WDR89: variants seen among roughly 807,000 people sequenced by gnomAD.
WDR89 encodes WD repeat domain 89.
Under a neutral mutation model 29.1 loss-of-function variants are expected in WDR89, and 17 were observed. That is an observed-to-expected ratio of 0.58 (90% CI 0.40 to 0.88). The LOEUF (loss-of-function observed/expected upper bound fraction) is 0.88, where lower values mean the gene tolerates loss of function less well. WDR89 is among the 40% of genes least tolerant of loss of function. WDR89 has a pLI of 0.00. For synonymous variants in WDR89, 138 were observed against 157.8 expected, an observed-to-expected ratio of 0.87 and a Z score of 0.94; for missense variants, 396 against 456.3, an observed-to-expected ratio of 0.87 and a Z score of 1.20.
Position 63,597,746 on chromosome 14 carries a change from A to T in WDR89, c.*1033T>A, listed in dbSNP as rs960083233. 2 of 152,214 alleles carry T rather than the reference A, an allele frequency of 1.3e-5. No individual in the cohort carries two copies. Among genetic ancestry groups the T allele is most frequent in the African/African-American group, 4.8e-5 (2 of 41,468 alleles). The allele number at this position is 152,214 out of a possible 1,614,324, so 9.4% of individuals were successfully genotyped here. ...AACGCTTATGTAGTCCGCCATCAAA[A>T]CATCAATGTACTGAAGATTTTAAGC... On this transcript the variant is annotated 3_prime_UTR_variant, in exon 3 of 3. Transcript: ENST00000620954.
intron 2 of WDR89, among the ~76,000 whole-genome samples, chr14:63,610,942 C>T (rs960529532): frequency 1.3e-5 from 2 of 151,234 alleles, no homozygotes; most frequent in Non-Finnish European, 2.9e-5. Context: ...CCTTGTAATT[C>T]GCCCGCCTTG....
chr14:63,626,608 G>A (rs1453239221), intron 1 of WDR89, among the ~76,000 whole-genome samples: 1 of 144,766 alleles, frequency 6.9e-6, no homozygotes, highest in East Asian at 2.1e-4. Context: ...GAGCCCGGGA[G>A]GCAGAGGTTG....
chr14:63,641,431 C>T (rs1884127875), intron 1 of WDR89: 1 of 152,240 alleles, frequency 6.6e-6, no homozygotes. Flanking sequence ...ATACTAAACC[C>T]TTTTAGTGGT....
intron 1 of WDR89, among the ~76,000 whole-genome samples, chr14:63,631,473 G>A (rs1038121590): frequency 2.0e-5 from 3 of 151,828 alleles, no homozygotes; most frequent in Non-Finnish European, 2.9e-5. Context: ...TCAAGCAATC[G>A]TGCCACCTCA....
intron 1 of WDR89, among the ~76,000 whole-genome samples, chr14:63,632,750 G>A (rs1198503436): frequency 1.3e-5 from 2 of 151,998 alleles, no homozygotes; most frequent in Non-Finnish European, 2.9e-5. Flanking sequence ...CCCTATAATA[G>A]AGAAAAATGA....
At chr14:63,624,258 G>A (rs1882894112) in intron 2 of WDR89, among the ~76,000 whole-genome samples, 1 of 152,024 alleles carries the variant, frequency 6.6e-6, no homozygotes, top group African/African-American at 2.4e-5. Flanking sequence ...CTTGAGTCCA[G>A]GAGTTCAAGA....
intron 1 of WDR89, among the ~76,000 whole-genome samples, chr14:63,625,935 C>A (rs556811778): frequency 1.4e-4 from 21 of 151,446 alleles, no homozygotes; most frequent in Admixed American, 9.2e-4. Context: ...CTCACTGCAA[C>A]CTCTGCCTCC....
chr14:63,628,825 G>C (rs1260898955), intron 1 of WDR89, among the ~76,000 whole-genome samples: 2 of 151,984 alleles, frequency 1.3e-5, no homozygotes, highest in Non-Finnish European at 2.9e-5. Flanking sequence ...AGCCAGGCAT[G>C]GTGACGTGCA....
At chr14:63,613,877 G>A (rs1230844560) in intron 2 of WDR89, among the ~76,000 whole-genome samples, 1 of 128,758 alleles carries the variant, frequency 7.8e-6, no homozygotes, top group Non-Finnish European at 1.6e-5. Context: ...TTGAACTCCT[G>A]TATGTAAGCA....
intron 1 of WDR89, 44 bp from the exon 2 acceptor site, chr14:63,625,077 TA>T (rs1882943518): frequency 6.6e-6 from 1 of 151,190 alleles, no homozygotes; most frequent in South Asian, 2.1e-4. Flanking sequence ...CACAAAAAAA[TA>T]AACAACAAAG....
intron 2 of WDR89, among the ~76,000 whole-genome samples, chr14:63,602,404 A>C (rs1895108641): frequency 6.9e-6 from 1 of 145,066 alleles, no homozygotes; most frequent in Admixed American, 6.9e-5. Context: ...TAGAGGTTGC[A>C]ATGAGCCAAG....
At chr14:63,608,072 G>A (rs1054135422) in intron 2 of WDR89, among the ~76,000 whole-genome samples, 2 of 151,922 alleles carry the variant, frequency 1.3e-5, no homozygotes, top group Admixed American at 1.3e-4. Flanking sequence ...TGGGTGTGGT[G>A]GTGCATGCCT....
Position 63,598,614 on chromosome 14 carries a change from G to T in WDR89, c.*165C>A. 1.8e-6 allele frequency: 1 copy of T among 544,548 alleles called. No individual in the cohort carries two copies. Among genetic ancestry groups the T allele is most frequent in the Non-Finnish European group, 2.9e-6 (1 of 349,452 alleles). The allele number at this position is 544,548 out of a possible 1,614,324, so 33.7% of individuals were successfully genotyped here. A position where few individuals can be genotyped will look rare whatever the true frequency, so the allele number is the denominator to read the frequency against. On this transcript the variant is annotated 3_prime_UTR_variant, in exon 3 of 3. Transcript: ENST00000620954. ...TACTTAGAGGCTTTAAAATTTTTTA[G>T]AATATGTGAAGACCGGAATTAAACC... is the stretch of plus-strand genomic sequence containing the variant.
intron 1 of WDR89, among the ~76,000 whole-genome samples, chr14:63,636,152 T>C (rs181911725): frequency 2.6e-5 from 4 of 152,182 alleles, no homozygotes; most frequent in South Asian, 4.2e-4. Context: ...GAGGTTGCAG[T>C]GAGCCAGAGC....
chr14:63,639,678 C>T (rs1338864175), intron 1 of WDR89, among the ~76,000 whole-genome samples: 2 of 152,110 alleles, frequency 1.3e-5, no homozygotes, highest in Non-Finnish European at 2.9e-5. Context: ...ATGAAAATAT[C>T]TTAAACACAT....
At chr14:63,605,023 G>A (rs889979999) in intron 2 of WDR89, among the ~76,000 whole-genome samples, 20 of 152,060 alleles carry the variant, frequency 1.3e-4, no homozygotes, top group Non-Finnish European at 1.9e-4. Context: ...GGTGGTGCAC[G>A]CCTATAGTCC....
chr14:63,614,002 G>T (rs61984037), intron 2 of WDR89, among the ~76,000 whole-genome samples: 22,191 of 151,784 alleles, frequency 0.15, 2,994 homozygotes, highest in African/African-American at 0.36. Context: ...CAAAGTACTA[G>T]TATATCCATT....
intron 1 of WDR89, among the ~76,000 whole-genome samples, chr14:63,633,711 A>G (rs900215802): frequency 2.0e-5 from 3 of 152,234 alleles, no homozygotes; most frequent in Non-Finnish European, 2.9e-5. Context: ...ATCAGAATCT[A>G]CTAAGTTCTA....
At chr14:63,628,154 C>T (rs1294299064) in intron 1 of WDR89, among the ~76,000 whole-genome samples, 1 of 152,176 alleles carries the variant, frequency 6.6e-6, no homozygotes, top group African/African-American at 2.4e-5. Flanking sequence ...GGGAGGATTG[C>T]TTAAGCCTGG....
Sources: gnomAD v4.1 joint callset for allele counts (sites outside exome capture counted in the v4.1 genomes callset) on GRCh38, gnomAD v4.1.1 for gene constraint, MANE v1.5 for transcripts, NCBI Gene and HGNC (gene_info 2026-07-23, HGNC 2026-07-21) for gene names.